The following SRSF7 variants were observed in gnomAD, a reference collection of about 807,000 sequenced individuals.
SRSF7 encodes serine/arginine-rich splicing factor 7.
Under a neutral mutation model 42.2 loss-of-function variants are expected in SRSF7, and 15 were observed. The observed-to-expected ratio is 0.36, with a 90% confidence interval of 0.24 to 0.55. SRSF7 has a LOEUF of 0.55. SRSF7 is among the 20% of genes least tolerant of loss of function. The pLI is 0.88. For missense variants in SRSF7, 181 were observed against 305.9 expected, an observed-to-expected ratio of 0.59 and a Z score of 3.04; for synonymous variants, 138 against 107.9, an observed-to-expected ratio of 1.28 and a Z score of -1.73.
At position 38,744,787 on chromosome 2, in the gene SRSF7, C is replaced by T; in HGVS notation, c.*346G>A. ...GTGATGTTCAAGACTTAACCAACAC[C>T]TTTCAATTCTGAATGTAGGTATGTA... On this transcript the variant is annotated 3_prime_UTR_variant, in exon 8 of 8. Coordinates refer to ENST00000313117, the MANE Select transcript of SRSF7 (RefSeq NM_001031684.3). The T allele has an allele frequency of 4.6e-6, 1 of 216,796 alleles. No individual in the cohort carries two copies. Among genetic ancestry groups the T allele is most frequent in the Non-Finnish European group, 9.2e-6 (1 of 108,962 alleles). The allele number at this position is 216,796 out of a possible 1,614,324, so 13.4% of individuals were successfully genotyped here. A position where few individuals can be genotyped will look rare whatever the true frequency, so the allele number is the denominator to read the frequency against.
Position 38,746,108 on chromosome 2 carries a change from G to C in SRSF7, c.662+36C>G, listed in dbSNP as rs1431468454. 3.7e-6 allele frequency: 6 copies of C among 1,613,028 alleles called. No individual in the cohort carries two copies. The East Asian group carries it at 6.7e-5, about 18-fold the overall frequency. On this transcript the variant is annotated intron_variant, in intron 7 of 7. Transcript: ENST00000313117. ...AACAAATTCTGCAGAGGCCACACTT[G>C]ACAGGCAAGATTTGGCAACAAAACA...
At chr2:38,751,405 T>C, upstream of SRSF7, 1 of 1,020,884 alleles carries the variant, frequency 9.8e-7, no homozygotes. Context: ...GCCGCTGCGC[T>C]TTGCGCATGC....
Position 38,746,136 on chromosome 2 carries a change from T to C in SRSF7, c.662+8A>G. On this transcript the variant is annotated splice_region_variant and intron_variant, in intron 7 of 7. Coordinates refer to ENST00000313117, the MANE Select transcript of SRSF7 (RefSeq NM_001031684.3). ...AGGCAAGATTTGGCAACAAAACATT[T>C]AGCTTACCTTCTTTTTGGAGATGGA... is the stretch of plus-strand genomic sequence containing the variant. 3 of 1,614,150 alleles carry C rather than the reference T, an allele frequency of 1.9e-6. No homozygotes were observed. The highest frequency in any genetic ancestry group is 2.2e-5 in the East Asian group (1 of 44,862).
At chr2:38,751,147 C>T (rs922832465) in intron 1 of SRSF7, 82 bp downstream of exon 1, 23 of 1,585,948 alleles carry the variant, frequency 1.5e-5, no homozygotes, top group Non-Finnish European at 2.0e-5. Context: ...ATAACCGTCT[C>T]CCAACCTCCG....
chr2:38,747,311 TAA>T (rs1461076643), intron 5 of SRSF7, among the ~76,000 whole-genome samples: 2 of 152,236 alleles, frequency 1.3e-5, no homozygotes, highest in African/African-American at 2.4e-5. Context: ...TAAATTTATC[TAA>T]AGAGATGGTT....
chr2:38,748,123 T>G lies in SRSF7; in HGVS notation c.496A>C (p.Ile166Leu). 4.2e-4 allele frequency: 674 copies of G among 1,613,788 alleles called. 7 individuals are homozygous for G. Among genetic ancestry groups the G allele is most frequent in the South Asian group, 2.9e-3 (265 of 91,066 alleles). The part of the protein sequence containing the change: ...RSASPRRSRS[I>L]SLRRSRSASL... ...GCTGATCTTGATCTACGAAGAGAGA[T>G]AGATCTTGATCGTCGAGGAGATGCT... The change falls in exon 5 of 8, where the codon ATC becomes CTC. Residue 166 changes from isoleucine (I) to leucine (L), a missense_variant. Physicochemically the swap from Ile to Leu is conservative, Grantham distance 5. This residue lies in a region of SRSF7 where 136 missense variants were observed against 147.8 expected (regional missense o/e 0.92). Transcript: ENST00000313117.
chr2:38,751,351 G>A lies in SRSF7; in HGVS notation c.-95C>T. 16 of 1,569,904 alleles carry A rather than the reference G, an allele frequency of 1.0e-5. No homozygotes were observed. The highest frequency in any genetic ancestry group is 3.3e-5 in the South Asian group (3 of 89,900). On this transcript the variant is annotated 5_prime_UTR_variant, in exon 1 of 8. Transcript: ENST00000313117. Reference sequence around the variant, plus strand: ...CACACCTTCACCCGCCAAGAGTCCCGGCGGCACTACGAGGAAGAGCCCGGG... The same window carrying A: ...CACACCTTCACCCGCCAAGAGTCCCAGCGGCACTACGAGGAAGAGCCCGGG...
chr2:38,751,299 A>G lies in SRSF7; in HGVS notation c.-43T>C. 1 of 1,613,850 alleles carries G rather than the reference A, an allele frequency of 6.2e-7. No homozygotes were observed. Among genetic ancestry groups the G allele is most frequent in the Non-Finnish European group, 8.5e-7 (1 of 1,179,878 alleles). On this transcript the variant is annotated 5_prime_UTR_variant, in exon 1 of 8. Transcript: ENST00000313117. ...CTCGGCTCTTTAGCAAGCAGCGCCC[A>G]GGGCTCGAGTGACGCAAAAGCTGAC...
intron 1 of SRSF7, 136 bp from the exon 2 acceptor site, chr2:38,750,330 T>G (rs1269478064): frequency 1.4e-6 from 1 of 699,934 alleles, no homozygotes; most frequent in Non-Finnish European, 2.3e-6. Flanking sequence ...AGACAAAACT[T>G]AGTCGTAAAA....
chr2:38,749,290 T>A, intron 3 of SRSF7: 1 of 1,476,242 alleles, frequency 6.8e-7, no homozygotes, highest in East Asian at 3.0e-5. Flanking sequence ...CGCCTCAGCA[T>A]GATATCATAA....
Position 38,744,979 on chromosome 2 carries a change from T to C in SRSF7, c.*154A>G. ...ATGTTAATACATTCAACAAAATTTA[T>C]ATTATCTTACTGCTGTGAATTTACA... On this transcript the variant is annotated 3_prime_UTR_variant, in exon 8 of 8. Transcript: ENST00000313117. The C allele has an allele frequency of 1.6e-5, 11 of 691,492 alleles. No homozygotes were observed. In the African/African-American group the frequency reaches 1.6e-4, roughly 10 times the overall value. 42.8% of individuals were successfully genotyped at this position (691,492 alleles called of 1,614,324 possible).
Position 38,745,195 on chromosome 2 carries a change from G to T in SRSF7, c.663-8C>A. 3.7e-6 allele frequency: 6 copies of T among 1,613,984 alleles called. No individual in the cohort carries two copies. The highest frequency in any genetic ancestry group is 4.2e-6 in the Non-Finnish European group (5 of 1,179,932). ...CTTCCTGATGGGGAACGACTAAAAA[G>T]AAAAACATTAGGTTTGGATCCAATT... On this transcript the variant is annotated splice_polypyrimidine_tract_variant and splice_region_variant and intron_variant, in intron 7 of 7. Transcript: ENST00000313117.
chr2:38,748,616 G>T lies in SRSF7; in HGVS notation c.424C>A (p.Arg142=). The change falls in exon 4 of 8, where the codon CGA becomes AGA. Residue 142 remains arginine, a synonymous_variant. Coordinates refer to ENST00000313117, the MANE Select transcript of SRSF7 (RefSeq NM_001031684.3). The stretch of plus-strand genomic sequence containing the variant: ...CTCCTGCTGCGTGAGCGAGAGTATC[G>T]CCTTCCTCTGGATCGAGAATGTGAT... ...SRSHSRSRGR[R]YSRSRSRSRG... The T allele has an allele frequency of 6.2e-7, 1 of 1,614,156 alleles. No individual in the cohort carries two copies. Among genetic ancestry groups the T allele is most frequent in the Admixed American group, 1.7e-5 (1 of 60,012 alleles).
In SRSF7 at chr2:38,744,898, TTAGA is replaced by T; in HGVS notation, c.*231_*234del. 2.2e-6 allele frequency: 1 copy of T among 452,890 alleles called. No individual in the cohort carries two copies. Among genetic ancestry groups the T allele is most frequent in the South Asian group, 4.4e-5 (1 of 22,504 alleles). The allele number at this position is 452,890 out of a possible 1,614,324, so 28.1% of individuals were successfully genotyped here. Reference sequence around the variant, plus strand: ...TATTGAACACAAATCAAAAATCTAGTTAGAAACATTTTATTTAAATGTGCCAAAT... The same window carrying T: ...TATTGAACACAAATCAAAAATCTAGTAACATTTTATTTAAATGTGCCAAAT... On this transcript the variant is annotated 3_prime_UTR_variant, in exon 8 of 8. Coordinates refer to ENST00000313117, the MANE Select transcript of SRSF7 (RefSeq NM_001031684.3).
chr2:38,751,003 T>C, intron 1 of SRSF7: 1 of 556,448 alleles, frequency 1.8e-6, no homozygotes, highest in Non-Finnish European at 3.3e-6. Flanking sequence ...TAGGCTGGAT[T>C]GGGCCACAAA....
chr2:38,749,722 A>G lies in SRSF7; in HGVS notation c.210-17T>C. ...CAAATCACCCTAATAAAAGCAAATT[A>G]ACAAAATTCTAAAGTTAAAAATATA... On this transcript the variant is annotated splice_polypyrimidine_tract_variant and intron_variant, in intron 2 of 7. Transcript: ENST00000313117. The G allele has an allele frequency of 6.6e-7, 1 of 1,523,942 alleles. No homozygotes were observed. The highest frequency in any genetic ancestry group is 2.3e-5 in the East Asian group (1 of 43,458). 94.4% of individuals were successfully genotyped at this position (1,523,942 alleles called of 1,614,324 possible). A position where few individuals can be genotyped will look rare whatever the true frequency, so the allele number is the denominator to read the frequency against.
intron 5 of SRSF7, chr2:38,747,132 T>TA: frequency 2.1e-6 from 1 of 475,308 alleles, no homozygotes; most frequent in Non-Finnish European, 4.3e-6. Flanking sequence ...CTCAGGAGGC[T>TA]AAGGCAGGAT....
At chr2:38,747,811 T>A (rs1408269238) in intron 5 of SRSF7, among the ~76,000 whole-genome samples, 1 of 152,254 alleles carries the variant, frequency 6.6e-6, no homozygotes, top group Non-Finnish European at 1.5e-5. Context: ...TGAGTAGAAC[T>A]GTATTGCTTG....
At chr2:38,751,188 A>G (rs1363343523) in intron 1 of SRSF7, 41 bp downstream of exon 1, 14 of 1,613,296 alleles carry the variant, frequency 8.7e-6, no homozygotes, top group Non-Finnish European at 1.0e-5. Flanking sequence ...AGTGCTCACT[A>G]CACCCACACC....
Sources: allele counts gnomAD v4.1 joint callset (sites outside exome capture counted in the v4.1 genomes callset), GRCh38; gene constraint gnomAD v4.1.1; regional missense constraint gnomAD v4.1.1; transcripts MANE v1.5; gene names NCBI Gene and HGNC (gene_info 2026-07-23, HGNC 2026-07-21).